The following GFOD1 variants were observed in gnomAD, a reference collection of about 807,000 sequenced individuals.
GFOD1 encodes glucose-fructose oxidoreductase domain-containing protein 1.
A neutral mutation model predicts 25.4 loss-of-function variants in GFOD1; 9 were observed. The ratio of observed to expected loss-of-function variants is 0.35; its 90% confidence interval spans 0.21 to 0.62. The LOEUF is 0.62. Ranked by LOEUF, GFOD1 falls within the 20% of genes least tolerant of loss-of-function variation. The pLI is 0.72. For missense variants in GFOD1, 403 were observed against 556.9 expected, an observed-to-expected ratio of 0.72 and a Z score of 2.78; for synonymous variants, 253 against 245.6, an observed-to-expected ratio of 1.03 and a Z score of -0.28.
At position 13,476,127 on chromosome 6, in the gene GFOD1, A is replaced by G. The variant is rs113072491; in HGVS notation, c.253+10511T>C. ...AGAGAAATGAAAACATGGCTCCACA[A>G]AAGACTTATATGCAAATGTTCACAG... On this transcript the variant is annotated intron_variant, in intron 1 of 1. Coordinates refer to ENST00000379287, the MANE Select transcript of GFOD1 (RefSeq NM_018988.4). 2.5e-4 allele frequency among the ~76,000 whole-genome samples: 38 copies of G among 152,344 alleles called. 1 individual carries two copies. The highest frequency in any genetic ancestry group is 3.4e-3 in the Middle Eastern group (1 of 294).
At position 13,487,054 on chromosome 6, in the gene GFOD1, G is replaced by A. The variant is rs1288157399; in HGVS notation, c.-164C>T. The A allele has an allele frequency of 8.8e-6, 7 of 793,464 alleles. No homozygotes were observed. The highest frequency in any genetic ancestry group is 7.8e-6 in the Non-Finnish European group (4 of 513,622). The allele number at this position is 793,464 out of a possible 1,614,324, so 49.2% of individuals were successfully genotyped here. On this transcript the variant is annotated 5_prime_UTR_variant, in exon 1 of 2. Coordinates refer to ENST00000379287, the MANE Select transcript of GFOD1 (RefSeq NM_018988.4). This position sits in a 1 kb window ranked among gnomAD's most constrained non-coding sequence, Gnocchi z 4.9. Reference sequence around the variant, plus strand: ...GGCGCCCGGGTGCCCAGAGCGCACCGAGCTGCAGGCGGAGCAAGCTCGGGG... The same window carrying A: ...GGCGCCCGGGTGCCCAGAGCGCACCAAGCTGCAGGCGGAGCAAGCTCGGGG...
Position 13,366,830 on chromosome 6 carries a change from T to C in GFOD1, c.254-1168A>G, listed in dbSNP as rs1002452887. Among the ~76,000 whole-genome samples the C allele has an allele frequency of 4.6e-5, 7 of 152,282 alleles. No individual in the cohort carries two copies. In the South Asian group the frequency reaches 1.0e-3, roughly 23 times the overall value. ...TAATTTTAATGTTAAATGTCTGGTATTGATTTAAATAGTAAGGTTTATTTT... is the reference window on the plus strand; with the variant it reads ...TAATTTTAATGTTAAATGTCTGGTACTGATTTAAATAGTAAGGTTTATTTT... On this transcript the variant is annotated intron_variant, in intron 1 of 1. Transcript: ENST00000379287.
chr6:13,419,573 T>C (rs1450012469), intron 1 of GFOD1, among the ~76,000 whole-genome samples: 2 of 152,168 alleles, frequency 1.3e-5, no homozygotes, highest in African/African-American at 2.4e-5. Flanking sequence ...CTACCCGCCT[T>C]CCGATGGCTT....
chr6:13,475,454 A>G (rs1758598871), intron 1 of GFOD1, among the ~76,000 whole-genome samples: 1 of 151,948 alleles, frequency 6.6e-6, no homozygotes, highest in African/African-American at 2.4e-5. Context: ...TCACGCCTGT[A>G]ATCCCAGCAC....
chr6:13,384,591 C>T (rs1785428931), intron 1 of GFOD1, among the ~76,000 whole-genome samples: 1 of 152,170 alleles, frequency 6.6e-6, no homozygotes, highest in Admixed American at 6.5e-5. Flanking sequence ...TTTTAGTACT[C>T]GTTGATGATT....
At chr6:13,400,497 T>C (rs1250490738) in intron 1 of GFOD1, among the ~76,000 whole-genome samples, 2 of 152,222 alleles carry the variant, frequency 1.3e-5, no homozygotes, top group Non-Finnish European at 2.9e-5. Flanking sequence ...TTAGCAGGGA[T>C]CAGGAAAATG....
At chr6:13,390,721 GAAA>G (rs35776140) in intron 1 of GFOD1, among the ~76,000 whole-genome samples, 6 of 111,520 alleles carry the variant, frequency 5.4e-5, no homozygotes, top group Non-Finnish European at 7.2e-5. Context: ...GAGACCCTGT[GAAA>G]AAAAAAAAAA....
chr6:13,365,480 A>G lies in GFOD1; in HGVS notation c.436T>C (p.Cys146Arg). ...EEGYVGEPLV[C>R]EVQVHGGSLL... ...CTGCCGCCGTGCACCTGCACCTCAC[A>G]CACCAGCGGCTCGCCCACGTAGCCC... The change falls in exon 2 of 2, where the codon TGT becomes CGT. Residue 146 changes from cysteine (C) to arginine (R), a missense_variant. Coordinates refer to ENST00000379287, the MANE Select transcript of GFOD1 (RefSeq NM_018988.4). This position sits in a 1 kb window ranked among gnomAD's most constrained non-coding sequence, Gnocchi z 9.2. 6.2e-7 allele frequency: 1 copy of G among 1,613,668 alleles called. No homozygotes were observed. Among genetic ancestry groups the G allele is most frequent in the Non-Finnish European group, 8.5e-7 (1 of 1,180,002 alleles).
chr6:13,410,577 G>GGGGAGA (rs1398916063), intron 1 of GFOD1, among the ~76,000 whole-genome samples: 1 of 128,086 alleles, frequency 7.8e-6, no homozygotes, highest in Non-Finnish European at 1.6e-5. Flanking sequence ...AAGAAAGAAA[G>GGGGAGA]GAGAGAGAGA....
chr6:13,374,629 A>T (rs894838497), intron 1 of GFOD1, among the ~76,000 whole-genome samples: 9 of 151,208 alleles, frequency 6.0e-5, no homozygotes, highest in Admixed American at 5.9e-4. Flanking sequence ...TTTAATTGAC[A>T]CGTAATAATT....
chr6:13,449,244 CTG>C (rs1758055194), intron 1 of GFOD1, among the ~76,000 whole-genome samples: 2 of 152,172 alleles, frequency 1.3e-5, no homozygotes. Flanking sequence ...TGAGCTATGA[CTG>C]TGCCAGTGTA....
chr6:13,469,353 G>A (rs1041292993), intron 1 of GFOD1: 2 of 985,220 alleles, frequency 2.0e-6, no homozygotes, highest in African/African-American at 3.5e-5. Context: ...TGAAGATCAT[G>A]AAATAACATT....
intron 1 of GFOD1, among the ~76,000 whole-genome samples, chr6:13,458,309 G>A (rs1239894583): frequency 2.0e-5 from 3 of 152,060 alleles, no homozygotes; most frequent in Non-Finnish European, 4.4e-5. Flanking sequence ...GTAGAGACAC[G>A]GTTTCACCAT....
intron 1 of GFOD1, among the ~76,000 whole-genome samples, chr6:13,434,407 G>C (rs1191484811): frequency 7.0e-6 from 1 of 143,242 alleles, no homozygotes; most frequent in Non-Finnish European, 1.5e-5. Context: ...CACAAATCAA[G>C]TGCAGAGCAT....
intron 1 of GFOD1, among the ~76,000 whole-genome samples, chr6:13,381,985 A>C (rs139711145): frequency 6.6e-6 from 1 of 151,500 alleles, no homozygotes; most frequent in Non-Finnish European, 1.5e-5. Context: ...ACTACCACCA[A>C]GTACCTGCGA....
Position 13,430,593 on chromosome 6 carries a change from G to T in GFOD1, c.253+56045C>A, listed in dbSNP as rs1757733025. On this transcript the variant is annotated intron_variant, in intron 1 of 1. Transcript: ENST00000379287. This position sits in a 1 kb window ranked among gnomAD's most constrained non-coding sequence, Gnocchi z 4.1. The stretch of plus-strand genomic sequence containing the variant: ...CATATTCTCAACACTCCTATTATGG[G>T]GTTCCCATAGAGACGGGCAGCTTGT... Among the ~76,000 whole-genome samples, 1 of 152,196 alleles carries T rather than the reference G, an allele frequency of 6.6e-6. No individual in the cohort carries two copies. Among genetic ancestry groups the T allele is most frequent in the Admixed American group, 6.5e-5 (1 of 15,276 alleles).
intron 1 of GFOD1, among the ~76,000 whole-genome samples, chr6:13,375,438 G>A (rs1237134281): frequency 1.3e-5 from 2 of 152,172 alleles, no homozygotes; most frequent in African/African-American, 2.4e-5. Flanking sequence ...TGGGAGGCCC[G>A]ATGTTCTGCT....
At chr6:13,422,175 A>G (rs1786270047) in intron 1 of GFOD1, among the ~76,000 whole-genome samples, 1 of 152,176 alleles carries the variant, frequency 6.6e-6, no homozygotes, top group African/African-American at 2.4e-5. Context: ...CCCTTTTCCA[A>G]TTAAGGCTGC....
Position 13,486,978 on chromosome 6 carries a change from G to A in GFOD1, c.-88C>T, listed in dbSNP as rs1001902375. The A allele has an allele frequency of 8.0e-5, 117 of 1,463,146 alleles. No homozygotes were observed. In the Middle Eastern group the frequency reaches 1.2e-3, roughly 15 times the overall value. 90.6% of individuals were successfully genotyped at this position (1,463,146 alleles called of 1,614,324 possible). ...CCACCTCTAGCCAGTCCTGCACCCC[G>A]CTCCTGTAGCCAATCTAGCCGCGGT... On this transcript the variant is annotated 5_prime_UTR_variant, in exon 1 of 2. Coordinates refer to ENST00000379287, the MANE Select transcript of GFOD1 (RefSeq NM_018988.4).
Sources: gnomAD v4.1 joint callset for allele counts (sites outside exome capture counted in the v4.1 genomes callset) on GRCh38, gnomAD v4.1.1 for gene constraint, Gnocchi (gnomAD v3.1) non-coding constraint, MANE v1.5 for transcripts, NCBI Gene and HGNC (gene_info 2026-07-23, HGNC 2026-07-21) for gene names.